The following DLC1 variants were observed in gnomAD, a reference collection of about 807,000 sequenced individuals.
DLC1 encodes the protein DLC1 Rho GTPase activating protein, also known as rho GTPase-activating protein 7.
DLC1 carries 54 observed loss-of-function variants against 140.3 expected under a neutral mutation model. The observed-to-expected ratio is 0.38, with a 90% confidence interval of 0.31 to 0.48. The LOEUF is 0.48. DLC1 is among the 20% of genes least tolerant of loss of function. The pLI is 0.96. For missense variants in DLC1, 2,536 were observed against 1,907.0 expected (o/e 1.33, Z -6.14); for synonymous variants, 986 against 728.1 (o/e 1.35, Z -5.70).
chr8:13,407,357 G>T (rs180721604), intron 2 of DLC1, among the ~76,000 whole-genome samples: 72 of 152,258 alleles, frequency 4.7e-4, no homozygotes, highest in African/African-American at 1.6e-3. Context: ...TTCCATCTGG[G>T]AAAGATAATC....
chr8:13,419,118 A>T (rs1453987615), intron 2 of DLC1, among the ~76,000 whole-genome samples: 1 of 152,164 alleles, frequency 6.6e-6, no homozygotes, highest in Non-Finnish European at 1.5e-5. Flanking sequence ...TTTTGGGCTG[A>T]TACAATGTGG....
intron 13 of DLC1, 62 bp from the exon 14 acceptor site, chr8:13,091,494 T>C: frequency 6.8e-7 from 1 of 1,474,230 alleles, no homozygotes; most frequent in South Asian, 1.3e-5. Context: ...CTTCAAGGTA[T>C]TATTCAAGGA....
intron 5 of DLC1, among the ~76,000 whole-genome samples, chr8:13,152,584 T>C (rs1823903909): frequency 1.3e-5 from 2 of 152,078 alleles, no homozygotes; most frequent in African/African-American, 4.8e-5. Context: ...TGTATTTTCT[T>C]TATGCTTAAC....
At chr8:13,567,708 C>T (rs1020994935) in intron 1 of DLC1, 13 of 1,551,910 alleles carry the variant, frequency 8.4e-6, no homozygotes, top group African/African-American at 8.2e-5. Flanking sequence ...ATACCAAAGA[C>T]TTTCTCACCC....
chr8:13,578,242 A>G (rs1765798256), intron 1 of DLC1, among the ~76,000 whole-genome samples: 1 of 152,104 alleles, frequency 6.6e-6, no homozygotes, highest in African/African-American at 2.4e-5. Flanking sequence ...ATCAAAGGCT[A>G]TCCTTTTTCA....
chr8:13,230,184 C>A (rs557366126), intron 5 of DLC1, among the ~76,000 whole-genome samples: 1 of 152,136 alleles, frequency 6.6e-6, no homozygotes, highest in Non-Finnish European at 1.5e-5. Context: ...CTAATACTAG[C>A]CAATAAACCA....
chr8:13,517,281 G>C (rs948947540), upstream of DLC1, among the ~76,000 whole-genome samples: 2 of 152,008 alleles, frequency 1.3e-5, no homozygotes, highest in Non-Finnish European at 2.9e-5. Flanking sequence ...CATGAATACT[G>C]TACCCCGCGC....
intron 4 of DLC1, among the ~76,000 whole-genome samples, chr8:13,350,158 A>C (rs1217046825): frequency 6.6e-6 from 1 of 152,328 alleles, no homozygotes; most frequent in African/African-American, 2.4e-5. Context: ...GACAAAAATA[A>C]TACATGCCAC....
At chr8:13,176,292 C>G (rs1585844577) in intron 5 of DLC1, among the ~76,000 whole-genome samples, 2 of 152,210 alleles carry the variant, frequency 1.3e-5, no homozygotes, top group African/African-American at 4.8e-5. Context: ...TAAAAACTCT[C>G]TTTTGTCCGG....
intron 4 of DLC1, among the ~76,000 whole-genome samples, chr8:13,355,243 AG>A (rs1174448168): frequency 1.3e-5 from 2 of 152,088 alleles, no homozygotes; most frequent in Non-Finnish European, 2.9e-5. Context: ...CCCAACACCT[AG>A]GGGGGCTAAG....
intron 4 of DLC1, among the ~76,000 whole-genome samples, chr8:13,357,030 G>T (rs909776341): frequency 6.6e-6 from 1 of 151,902 alleles, no homozygotes; most frequent in Non-Finnish European, 1.5e-5. Context: ...ACACTTAGGG[G>T]GGCTGAGGCA....
At chr8:13,431,685 A>G (rs1403740503) in intron 2 of DLC1, among the ~76,000 whole-genome samples, 2 of 151,704 alleles carry the variant, frequency 1.3e-5, no homozygotes, top group Non-Finnish European at 2.9e-5. Context: ...AGAAAAAAAA[A>G]TCATGTGTAA....
At chr8:13,165,477 G>C (rs1370529268) in intron 5 of DLC1, among the ~76,000 whole-genome samples, 2 of 152,168 alleles carry the variant, frequency 1.3e-5, no homozygotes, top group Non-Finnish European at 2.9e-5. Flanking sequence ...AAGTGCTCCA[G>C]ACCCAAAGTT....
intron 1 of DLC1, among the ~76,000 whole-genome samples, chr8:13,588,800 T>C (rs1805418607): frequency 1.3e-5 from 2 of 152,030 alleles, no homozygotes; most frequent in Non-Finnish European, 2.9e-5. Flanking sequence ...AGGAGAAGCA[T>C]AGGGGCTGGG....
At chr8:13,427,659 G>A (rs555243830) in intron 2 of DLC1, among the ~76,000 whole-genome samples, 7 of 151,956 alleles carry the variant, frequency 4.6e-5, no homozygotes, top group South Asian at 4.2e-4. Context: ...CCCACTTCCC[G>A]TGGAATTACT....
intron 2 of DLC1, among the ~76,000 whole-genome samples, chr8:13,466,962 CT>C (rs1186616282): frequency 7.4e-6 from 1 of 134,436 alleles, no homozygotes; most frequent in Non-Finnish European, 1.6e-5. Context: ...AAAAAAACCC[CT>C]CCACGTTATT....
chr8:13,373,503 ATG>A (rs1339099842), intron 4 of DLC1, among the ~76,000 whole-genome samples: 3 of 152,174 alleles, frequency 2.0e-5, no homozygotes, highest in Non-Finnish European at 4.4e-5. Context: ...TCAATTATAT[ATG>A]TGTCTGTTTA....
intron 5 of DLC1, among the ~76,000 whole-genome samples, chr8:13,212,387 G>T (rs1827990876): frequency 6.6e-6 from 1 of 152,130 alleles, no homozygotes; most frequent in Non-Finnish European, 1.5e-5. Flanking sequence ...ATTACTCTCT[G>T]CTCTGCTAGG....
At chr8:13,530,158 A>G (rs1474182565) in intron 1 of DLC1, among the ~76,000 whole-genome samples, 1 of 152,178 alleles carries the variant, frequency 6.6e-6, no homozygotes, top group East Asian at 1.9e-4. Flanking sequence ...AAAGTCAAAA[A>G]TGAGGGATGC....
Sources: gnomAD v4.1 joint callset for allele counts (sites outside exome capture counted in the v4.1 genomes callset) on GRCh38, gnomAD v4.1.1 for gene constraint, MANE v1.5 for transcripts, NCBI Gene and HGNC (gene_info 2026-07-23, HGNC 2026-07-21) for gene names.